The following TBL1X variants were observed in gnomAD, a reference collection of about 807,000 sequenced individuals.
TBL1X encodes F-box-like/WD repeat-containing protein TBL1X.
Under a neutral mutation model 50.7 loss-of-function variants are expected in TBL1X, and 10 were observed. The observed-to-expected ratio is 0.20, with a 90% CI of 0.12 to 0.33. The LOEUF (loss-of-function observed/expected upper bound fraction) is 0.33. TBL1X is among the 10% of genes least tolerant of loss of function. The pLI is 1.00. For synonymous variants in TBL1X, 190 were observed against 214.7 expected, an observed-to-expected ratio of 0.88 and a Z score of 1.01; for missense variants, 340 against 504.4, an observed-to-expected ratio of 0.67 and a Z score of 3.12.
chrX:9,642,918 C>G (rs1357176984), intron 3 of TBL1X, among the ~76,000 whole-genome samples: 2 of 112,548 alleles, frequency 1.8e-5, no homozygotes, highest in African/African-American at 6.5e-5. Flanking sequence ...TTTCTTTCCA[C>G]CTTTTCTAAT....
chrX:9,594,418 G>A (rs942170261), intron 2 of TBL1X, among the ~76,000 whole-genome samples: 2 of 112,200 alleles, frequency 1.8e-5, no homozygotes, highest in African/African-American at 6.5e-5. Context: ...GCCATAACTT[G>A]ATAGGATTGG....
At chrX:9,685,936 T>A (rs1260096414) in intron 6 of TBL1X, among the ~76,000 whole-genome samples, 1 of 110,704 alleles carries the variant, frequency 9.0e-6, no homozygotes, top group Non-Finnish European at 1.9e-5. Flanking sequence ...CTTGAACTCC[T>A]GGGCTCAAGC....
At chrX:9,558,022 T>G (rs2082308645) in intron 2 of TBL1X, among the ~76,000 whole-genome samples, 1 of 112,459 alleles carries the variant, frequency 8.9e-6, no homozygotes, top group South Asian at 3.7e-4. Context: ...GTTTATAAAC[T>G]GAAGTCAGTT....
At chrX:9,706,146 T>C (rs1228173094) in intron 13 of TBL1X, among the ~76,000 whole-genome samples, 1 of 112,027 alleles carries the variant, frequency 8.9e-6, no homozygotes, top group Admixed American at 9.5e-5. Context: ...GGATGACAGT[T>C]CCACCTGAGA....
chrX:9,663,793 C>T (rs2082912131), intron 5 of TBL1X, among the ~76,000 whole-genome samples: 1 of 107,587 alleles, frequency 9.3e-6, no homozygotes, highest in Admixed American at 9.9e-5. Context: ...AAGAAGATTG[C>T]AGACTATATG....
chrX:9,695,141 A>G (rs2083124071), intron 11 of TBL1X, among the ~76,000 whole-genome samples: 1 of 112,010 alleles, frequency 8.9e-6, no homozygotes. Flanking sequence ...GTATTGGGAC[A>G]CAGCCACACC....
intron 4 of TBL1X, among the ~76,000 whole-genome samples, 174 bp downstream of exon 4, chrX:9,653,863 G>C (rs748348758): frequency 8.9e-6 from 1 of 111,846 alleles, no homozygotes; most frequent in African/African-American, 3.3e-5. Flanking sequence ...TATGGGGCGC[G>C]CTGCGGATCC....
At position 9,716,091 on chromosome X, in the gene TBL1X, A is replaced by G. The variant is rs190792496; in HGVS notation, c.1708-129A>G. 1.3e-3 allele frequency: 916 copies of G among 698,821 alleles called. 4 individuals are homozygous for G. Among genetic ancestry groups the G allele is most frequent in the African/African-American group, 4.8e-3 (221 of 46,054 alleles). 57.6% of individuals were successfully genotyped at this position (698,821 alleles called of 1,213,427 possible). ...TCTGACCCTTCATGACGATGTTCCA[A>G]TAAACTTTACTGACAAACATCGGTG... is the stretch of plus-strand genomic sequence containing the variant. On this transcript the variant is annotated intron_variant, in intron 17 of 17. Transcript: ENST00000645353.
At chrX:9,475,553 G>GTTT (rs368700017) in intron 1 of TBL1X, among the ~76,000 whole-genome samples, 1 of 101,658 alleles carries the variant, frequency 9.8e-6, no homozygotes, top group Non-Finnish European at 2.0e-5. Flanking sequence ...GCCTCATTAG[G>GTTT]TTTTTTTTTT....
intron 12 of TBL1X, among the ~76,000 whole-genome samples, chrX:9,698,303 G>A (rs908837389): frequency 1.8e-5 from 2 of 111,134 alleles, no homozygotes; most frequent in Non-Finnish European, 3.8e-5. Context: ...GCTGTTTTGG[G>A]GGCTCCCTGA....
chrX:9,562,887 C>T (rs752501005), intron 2 of TBL1X, among the ~76,000 whole-genome samples: 3 of 112,053 alleles, frequency 2.7e-5, no homozygotes, highest in Non-Finnish European at 5.6e-5. Flanking sequence ...TCCAGTCATT[C>T]GAATGGAACA....
chrX:9,684,710 A>G (rs761790827), intron 6 of TBL1X, among the ~76,000 whole-genome samples: 5 of 110,456 alleles, frequency 4.5e-5, no homozygotes, highest in Non-Finnish European at 9.5e-5. Context: ...CCCCTCCCAC[A>G]TGGCTCTGTG....
At chrX:9,710,896 AT>A (rs2083242498) in intron 15 of TBL1X, among the ~76,000 whole-genome samples, 1 of 112,311 alleles carries the variant, frequency 8.9e-6, no homozygotes, top group South Asian at 3.6e-4. Flanking sequence ...AGTTTTTTAA[AT>A]GTTTATTCAC....
At chrX:9,570,320 A>G (rs1031865248) in intron 2 of TBL1X, among the ~76,000 whole-genome samples, 4 of 112,135 alleles carry the variant, frequency 3.6e-5, no homozygotes, top group African/African-American at 1.3e-4. Flanking sequence ...TGCTTTCTCC[A>G]GAAAAGCTGA....
At chrX:9,640,590 C>G (rs1417036225) in intron 3 of TBL1X, among the ~76,000 whole-genome samples, 1 of 111,635 alleles carries the variant, frequency 9.0e-6, no homozygotes, top group African/African-American at 3.3e-5. Flanking sequence ...TTACTGACTT[C>G]TGAGAATTTT....
intron 2 of TBL1X, among the ~76,000 whole-genome samples, chrX:9,554,357 C>T (rs1293080266): frequency 1.8e-5 from 2 of 112,372 alleles, no homozygotes; most frequent in African/African-American, 3.2e-5. Context: ...ATTTTATCTT[C>T]CAGATTGTGT....
intron 2 of TBL1X, among the ~76,000 whole-genome samples, chrX:9,564,023 A>T (rs1414787888): frequency 8.9e-6 from 1 of 112,952 alleles, no homozygotes. Context: ...CTTAACAGCA[A>T]CACGTGAAGT....
intron 1 of TBL1X, among the ~76,000 whole-genome samples, chrX:9,488,923 C>T (rs183220993): frequency 9.0e-6 from 1 of 111,014 alleles, no homozygotes; most frequent in Non-Finnish European, 1.9e-5. Flanking sequence ...TGGTCTCAAG[C>T]GATCCTCCCT....
At chrX:9,502,371 C>T (rs1363256340) in intron 2 of TBL1X, among the ~76,000 whole-genome samples, 1 of 112,267 alleles carries the variant, frequency 8.9e-6, no homozygotes, top group Non-Finnish European at 1.9e-5. Flanking sequence ...TTAAGCTGTC[C>T]ATCACGGGGC....
Sources: allele counts gnomAD v4.1 joint callset (sites outside exome capture counted in the v4.1 genomes callset), GRCh38; gene constraint gnomAD v4.1.1; transcripts MANE v1.5; gene names NCBI Gene and HGNC (gene_info 2026-07-23, HGNC 2026-07-21).